Variants in CRTAP observed in about 807,000 individuals in gnomAD.
The protein encoded by CRTAP is cartilage-associated protein.
Under a neutral mutation model 42.7 loss-of-function variants are expected in CRTAP, and 33 were observed. That is an observed-to-expected ratio of 0.77 (90% CI 0.59 to 1.03). The LOEUF is 1.03. Ranked by LOEUF, CRTAP falls within the 50% of genes least tolerant of loss-of-function variation. The probability of loss-of-function intolerance (pLI) is 0.00; values close to 1 mark genes in which losing one functional copy is unlikely to be tolerated. For missense variants in CRTAP, 613 were observed against 533.9 expected, an observed-to-expected ratio of 1.15 and a Z score of -1.46; for synonymous variants, 243 against 217.7, an observed-to-expected ratio of 1.12 and a Z score of -1.02.
chr3:33,127,752 A>G (rs1350623034), intron 3 of CRTAP, among the ~76,000 whole-genome samples: 1 of 137,588 alleles, frequency 7.3e-6, no homozygotes, highest in Non-Finnish European at 1.6e-5. Flanking sequence ...CCGGCCTATT[A>G]TATTTTATTT....
chr3:33,140,158 A>C (rs988757713), intron 6 of CRTAP, among the ~76,000 whole-genome samples: 3 of 152,250 alleles, frequency 2.0e-5, no homozygotes, highest in Non-Finnish European at 4.4e-5. Context: ...GATTTTTCAC[A>C]TGATTCAGTA....
At chr3:33,139,378 C>T (rs79563490) in intron 6 of CRTAP, among the ~76,000 whole-genome samples, 1,740 of 152,088 alleles carry the variant, frequency 0.011, 45 homozygotes, top group African/African-American at 0.039. Flanking sequence ...AGCATACAGT[C>T]GTCTTTCAGC....
intron 4 of CRTAP, among the ~76,000 whole-genome samples, chr3:33,130,525 C>CTTTTTTTTTTTTTTTTTT (rs765558103): frequency 1.0e-3 from 58 of 55,272 alleles, no homozygotes; most frequent in Non-Finnish European, 1.4e-3. Context: ...CTTTTCTTTT[C>CTTTTTTTTTTTTTTTTTT]TTTTTTTTTT....
rs2030696910 is a variant in CRTAP, at chr3:33,145,481, C to T, written c.*3033C>T. The T allele has an allele frequency of 6.6e-6, 1 of 152,274 alleles. No individual in the cohort carries two copies. The highest frequency in any genetic ancestry group is 1.5e-5 in the Non-Finnish European group (1 of 68,102). The allele number at this position is 152,274 out of a possible 1,614,324, so 9.4% of individuals were successfully genotyped here. A position where few individuals can be genotyped will look rare whatever the true frequency, so the allele number is the denominator to read the frequency against. ...GCCGGGTTCTCCTTTCTTTCCTCAC[C>T]CCAACCTTTACTCCACCAGAGAAAC... On this transcript the variant is annotated 3_prime_UTR_variant, in exon 7 of 7. Coordinates refer to ENST00000320954, the MANE Select transcript of CRTAP (RefSeq NM_006371.5). This position sits in a 1 kb window ranked among gnomAD's most constrained non-coding sequence, Gnocchi z 4.3.
chr3:33,142,447 A>C lies in CRTAP; in HGVS notation c.1205A>C (p.Ter402SerextTer53), dbSNP rs1311743557. Reference protein sequence around the residue: ...DDLLELEETS* With the variant: ...DDLLELEETSS ...CTCTTGGAACTGGAGGAGACCAGCT[A>C]GCCCACAGCAACCAAAGAGACTTCC... is the stretch of plus-strand genomic sequence containing the variant. The change falls in exon 7 of 7, where the codon TAG (stop) becomes TCG (serine). Residue 402 changes from the stop codon to serine (S), a stop_lost. Coordinates refer to ENST00000320954, the MANE Select transcript of CRTAP (RefSeq NM_006371.5). 6.2e-7 allele frequency: 1 copy of C among 1,613,976 alleles called. No individual in the cohort carries two copies. Among genetic ancestry groups the C allele is most frequent in the African/African-American group, 1.3e-5 (1 of 74,930 alleles).
At chr3:33,127,538 C>T (rs943754158) in intron 3 of CRTAP, among the ~76,000 whole-genome samples, 1 of 150,502 alleles carries the variant, frequency 6.6e-6, no homozygotes, top group Non-Finnish European at 1.5e-5. Context: ...ACCTCTGCCC[C>T]TTAGGTTCAG....
Position 33,144,531 on chromosome 3 carries a change from A to C in CRTAP, c.*2083A>C, listed in dbSNP as rs2030669523. On this transcript the variant is annotated 3_prime_UTR_variant, in exon 7 of 7. Transcript: ENST00000320954. Reference sequence around the variant, plus strand: ...TGGGAGTGTGGGTACATTTGAAGGCAAGTGACTTCAGTTGAGGGCAAGTCT... The same window carrying C: ...TGGGAGTGTGGGTACATTTGAAGGCCAGTGACTTCAGTTGAGGGCAAGTCT... The C allele has an allele frequency of 6.6e-6, 1 of 152,258 alleles. No individual in the cohort carries two copies. Among genetic ancestry groups the C allele is most frequent in the African/African-American group, 2.4e-5 (1 of 41,428 alleles). The allele number at this position is 152,258 out of a possible 1,614,324, so 9.4% of individuals were successfully genotyped here. A position where few individuals can be genotyped will look rare whatever the true frequency, so the allele number is the denominator to read the frequency against.
chr3:33,116,359 T>C (rs966356020), intron 1 of CRTAP, among the ~76,000 whole-genome samples: 3 of 152,078 alleles, frequency 2.0e-5, no homozygotes, highest in Non-Finnish European at 4.4e-5. Context: ...TCTATCTGTC[T>C]ATCTATCTGT....
chr3:33,140,791 C>G (rs577741937), intron 6 of CRTAP, among the ~76,000 whole-genome samples: 224 of 152,298 alleles, frequency 1.5e-3, no homozygotes, highest in African/African-American at 5.3e-3. Flanking sequence ...AGGGAGTGCT[C>G]TCAGGTAGGA....
intron 6 of CRTAP, among the ~76,000 whole-genome samples, chr3:33,136,730 A>G (rs1412443372): frequency 4.6e-5 from 7 of 152,132 alleles, no homozygotes; most frequent in Non-Finnish European, 1.0e-4. Context: ...ACTCTTTTAA[A>G]CAACTAGATC....
At chr3:33,141,627 C>G (rs1034639290) in intron 6 of CRTAP, among the ~76,000 whole-genome samples, 1 of 152,158 alleles carries the variant, frequency 6.6e-6, no homozygotes, top group African/African-American at 2.4e-5. Flanking sequence ...TGTGTTGACT[C>G]TTATGGAAGG....
chr3:33,116,986 A>G (rs1701349583), intron 1 of CRTAP, among the ~76,000 whole-genome samples: 2 of 152,028 alleles, frequency 1.3e-5, no homozygotes, highest in African/African-American at 4.8e-5. Flanking sequence ...GTGCCTTTCT[A>G]GTTTCAGCTA....
At position 33,140,661 on chromosome 3, in the gene CRTAP, C is replaced by T. The variant is rs892988135; in HGVS notation, c.1153-1734C>T. Among the ~76,000 whole-genome samples, 4 of 152,272 alleles carry T rather than the reference C, an allele frequency of 2.6e-5. No individual in the cohort carries two copies. The South Asian group carries it at 8.3e-4, about 32-fold the overall frequency. On this transcript the variant is annotated intron_variant, in intron 6 of 6. Coordinates refer to ENST00000320954, the MANE Select transcript of CRTAP (RefSeq NM_006371.5). ...TTCAGAATTTTGCAGAGGTTTATTA[C>T]AGTTTCAGAAACTTTTTAAAACAGG...
Position 33,142,400 on chromosome 3 carries a change from A to G in CRTAP, c.1158A>G (p.Glu386=). 1.9e-6 allele frequency: 3 copies of G among 1,614,016 alleles called. No homozygotes were observed. Among genetic ancestry groups the G allele is most frequent in the Non-Finnish European group, 2.5e-6 (3 of 1,179,852 alleles). ...TGTCCTGTTGTCTCTTACAGGGAGA[A>G]GTTGTGGAATATGTGGATGACCTCT... ...KENIMDDDEG[E]VVEYVDDLLE... The change falls in exon 7 of 7, where the codon GAA becomes GAG. Residue 386 remains glutamate, a synonymous_variant. Transcript: ENST00000320954.
rs1315346058 is a variant in CRTAP, at chr3:33,143,574, C to T, written c.*1126C>T. On this transcript the variant is annotated 3_prime_UTR_variant, in exon 7 of 7. Coordinates refer to ENST00000320954, the MANE Select transcript of CRTAP (RefSeq NM_006371.5). ...TTCACAGAATAACAGGGAAAGTTCC[C>T]TGTGCTCATGGAGCTTACATTCTAC... The T allele has an allele frequency of 1.3e-5, 2 of 152,176 alleles. No individual in the cohort carries two copies. Among genetic ancestry groups the T allele is most frequent in the Non-Finnish European group, 2.9e-5 (2 of 68,048 alleles). The allele number at this position is 152,176 out of a possible 1,614,324, so 9.4% of individuals were successfully genotyped here.
At chr3:33,130,689 C>T (rs1057457924) in intron 4 of CRTAP, among the ~76,000 whole-genome samples, 3 of 151,800 alleles carry the variant, frequency 2.0e-5, no homozygotes, top group Admixed American at 6.6e-5. Context: ...TGTGCCACCA[C>T]GCCTAGCTAA....
At position 33,131,200 on chromosome 3, in the gene CRTAP, G is replaced by A. The variant is rs556163591; in HGVS notation, c.922+1133G>A. Among the ~76,000 whole-genome samples the A allele has an allele frequency of 3.2e-4, 49 of 151,850 alleles. 1 individual carries two copies. The Middle Eastern group carries it at 0.01, about 32-fold the overall frequency. On this transcript the variant is annotated intron_variant, in intron 4 of 6. Transcript: ENST00000320954. ...GGCTGGTCTCAGGGTGCCTTGGGAA[G>A]AGTGAGAGAGGTGATCTTGGCTTTA...
chr3:33,136,672 C>A (rs748909779), intron 6 of CRTAP, among the ~76,000 whole-genome samples: 18 of 152,148 alleles, frequency 1.2e-4, no homozygotes, highest in Non-Finnish European at 1.2e-4. Flanking sequence ...AGCTTATGGT[C>A]ATGGCAAAGG....
chr3:33,140,241 G>T (rs1264571626), intron 6 of CRTAP, among the ~76,000 whole-genome samples: 1 of 152,192 alleles, frequency 6.6e-6, no homozygotes, highest in East Asian at 1.9e-4. Context: ...CACACAGAGG[G>T]TTAGTAATCA....
Sources: gnomAD v4.1 joint callset for allele counts (sites outside exome capture counted in the v4.1 genomes callset) on GRCh38, gnomAD v4.1.1 for gene constraint, Gnocchi (gnomAD v3.1) non-coding constraint, MANE v1.5 for transcripts, NCBI Gene and HGNC (gene_info 2026-07-23, HGNC 2026-07-21) for gene names.